The following TMEM117 variants were observed in gnomAD, a reference collection of about 807,000 sequenced individuals.
TMEM117 encodes the protein transmembrane protein 117.
In TMEM117, 27 loss-of-function variants were observed where a neutral mutation model predicts 52.4. That is an observed-to-expected ratio of 0.51 (90% CI 0.38 to 0.71). TMEM117 has a LOEUF of 0.71. Among genes scored for constraint, TMEM117 ranks in the 30% least tolerant of loss-of-function variants. The pLI is 0.00. For missense variants in TMEM117, 556 were observed against 630.5 expected (o/e 0.88, Z 1.26); for synonymous variants, 215 against 206.3 (o/e 1.04, Z -0.36).
At chr12:44,313,172 G>A (rs78687194) in intron 6 of TMEM117, among the ~76,000 whole-genome samples, 7,563 of 152,020 alleles carry the variant, frequency 0.05, 397 homozygotes, top group African/African-American at 0.13. Context: ...TTAGTCATAA[G>A]TTCTTTGCCA....
chr12:44,277,554 T>C lies in TMEM117; in HGVS notation c.609-22026T>C, dbSNP rs139848671. ...TTTTTATCTTGAGCTTGGGGCTCTT[T>C]ACAAACTCTTTTCTATTGTTGGCTG... On this transcript the variant is annotated intron_variant, in intron 5 of 7. Coordinates refer to ENST00000266534, the MANE Select transcript of TMEM117 (RefSeq NM_032256.3). Among the ~76,000 whole-genome samples the C allele has an allele frequency of 8.2e-3, 1,246 of 152,278 alleles. 12 individuals are homozygous for C. The highest frequency in any genetic ancestry group is 0.029 in the African/African-American group (1,186 of 41,560).
intron 7 of TMEM117, among the ~76,000 whole-genome samples, chr12:44,378,197 C>T (rs1951969340): frequency 6.6e-6 from 1 of 151,780 alleles, no homozygotes; most frequent in South Asian, 2.1e-4. Flanking sequence ...TATAAGAATG[C>T]CTTGTCAAAA....
At chr12:44,328,957 C>G (rs1951232193) in intron 6 of TMEM117, among the ~76,000 whole-genome samples, 1 of 151,784 alleles carries the variant, frequency 6.6e-6, no homozygotes, top group South Asian at 2.1e-4. Flanking sequence ...TTATACTTCT[C>G]AGAACCCTAA....
At position 44,331,184 on chromosome 12, in the gene TMEM117, T is replaced by A. The variant is rs1399645342; in HGVS notation, c.768+31445T>A. On this transcript the variant is annotated intron_variant, in intron 6 of 7. Transcript: ENST00000266534. ...TATTTCTTCTAGTGGGACCTTTTTTTAAAAAAAAAAAAATCTTTTTTTCTC... is the reference window on the plus strand; with the variant it reads ...TATTTCTTCTAGTGGGACCTTTTTTAAAAAAAAAAAAAATCTTTTTTTCTC... 2.7e-4 allele frequency among the ~76,000 whole-genome samples: 40 copies of A among 145,720 alleles called. 1 individual carries two copies. Among genetic ancestry groups the A allele is most frequent in the Middle Eastern group, 3.5e-3 (1 of 284 alleles).
intron 2 of TMEM117, among the ~76,000 whole-genome samples, chr12:43,861,809 A>G (rs556796855): frequency 5.9e-5 from 9 of 152,322 alleles, no homozygotes; most frequent in East Asian, 5.8e-4. Context: ...TAATAATAAC[A>G]AAACACTCAA....
Position 43,854,600 on chromosome 12 carries a change from T to TC in TMEM117, c.277+9674dup, listed in dbSNP as rs144761510. Among the ~76,000 whole-genome samples the TC allele has an allele frequency of 7.5e-3, 1,146 of 152,214 alleles. 23 individuals are homozygous for TC. Among genetic ancestry groups the TC allele is most frequent in the African/African-American group, 0.026 (1,070 of 41,534 alleles). On this transcript the variant is annotated intron_variant, in intron 2 of 7. Coordinates refer to ENST00000266534, the MANE Select transcript of TMEM117 (RefSeq NM_032256.3). ...TAAAGGTGTGTGTTACTAAGCTTAGTCCAGGCACACTTTTTAAAAAATTTT... is the reference window on the plus strand; with the variant it reads ...TAAAGGTGTGTGTTACTAAGCTTAGTCCCAGGCACACTTTTTAAAAAATTTT...
the TMEM117 span, among the ~76,000 whole-genome samples, chr12:43,800,772 C>T: frequency 1.4e-4 from 22 of 152,134 alleles, no homozygotes; most frequent in Non-Finnish European, 2.6e-4. Flanking sequence ...TTTTTTGAGA[C>T]GCAGATTTGC....
At chr12:44,157,666 G>C (rs1948844615) in intron 4 of TMEM117, among the ~76,000 whole-genome samples, 1 of 151,918 alleles carries the variant, frequency 6.6e-6, no homozygotes. Flanking sequence ...AATTTTCTCT[G>C]CTTATAGAAA....
At chr12:44,116,779 C>G (rs1425158251) in intron 3 of TMEM117, among the ~76,000 whole-genome samples, 1 of 152,188 alleles carries the variant, frequency 6.6e-6, no homozygotes, top group Non-Finnish European at 1.5e-5. Context: ...TTCTTACCAT[C>G]CTCATCCTAC....
chr12:44,019,164 G>T (rs1190617887), intron 3 of TMEM117, among the ~76,000 whole-genome samples: 1 of 151,466 alleles, frequency 6.6e-6, no homozygotes, highest in African/African-American at 2.4e-5. Context: ...AAAGAATGTT[G>T]TCTGGGGTGG....
chr12:43,943,308 G>A (rs370045159), intron 2 of TMEM117, among the ~76,000 whole-genome samples: 10 of 151,790 alleles, frequency 6.6e-5, no homozygotes, highest in African/African-American at 1.5e-4. Flanking sequence ...TAATAGACAC[G>A]GTTTATCTTG....
At chr12:44,132,530 C>A (rs1379042750) in intron 3 of TMEM117, among the ~76,000 whole-genome samples, 1 of 152,074 alleles carries the variant, frequency 6.6e-6, no homozygotes, top group African/African-American at 2.4e-5. Flanking sequence ...AGCTTCTCAT[C>A]CCTGAGCATT....
At chr12:44,064,819 T>C (rs1295756894) in intron 3 of TMEM117, among the ~76,000 whole-genome samples, 1 of 152,168 alleles carries the variant, frequency 6.6e-6, no homozygotes, top group Non-Finnish European at 1.5e-5. Flanking sequence ...AGTCTAAAGC[T>C]ATGATGTACA....
At chr12:44,180,082 A>G (rs1264785042) in intron 4 of TMEM117, among the ~76,000 whole-genome samples, 1 of 152,160 alleles carries the variant, frequency 6.6e-6, no homozygotes, top group Non-Finnish European at 1.5e-5. Flanking sequence ...AATGAGGAGC[A>G]CTAATCACAT....
chr12:43,829,186 ACTT>A, the TMEM117 span, among the ~76,000 whole-genome samples: 5 of 152,058 alleles, frequency 3.3e-5, no homozygotes, highest in South Asian at 2.1e-4. Context: ...TTTGCTTCAA[ACTT>A]CTTCTGTCTG....
At chr12:43,915,279 C>T (rs1451933599) in intron 2 of TMEM117, among the ~76,000 whole-genome samples, 1 of 152,126 alleles carries the variant, frequency 6.6e-6, no homozygotes, top group Non-Finnish European at 1.5e-5. Context: ...GAGTCATTAC[C>T]TCTTAGGATC....
intron 6 of TMEM117, among the ~76,000 whole-genome samples, chr12:44,365,549 CA>C (rs1371860805): frequency 6.6e-6 from 1 of 151,994 alleles, no homozygotes; most frequent in Non-Finnish European, 1.5e-5. Flanking sequence ...CAGCATTGGA[CA>C]AGCTATTTAA....
chr12:44,370,246 T>C (rs982462521), intron 6 of TMEM117, among the ~76,000 whole-genome samples: 1 of 152,200 alleles, frequency 6.6e-6, no homozygotes, highest in Non-Finnish European at 1.5e-5. Context: ...CTTCTCACAA[T>C]ATTTACAATG....
rs184220672 is a variant in TMEM117, at chr12:43,871,288, G to A, written c.277+26360G>A. ...CAGCTAATTTTTGTATTTTTTAGTA[G>A]AGATGGGGTTTTGCCATGTTGGTCA... On this transcript the variant is annotated intron_variant, in intron 2 of 7. Coordinates refer to ENST00000266534, the MANE Select transcript of TMEM117 (RefSeq NM_032256.3). Among the ~76,000 whole-genome samples, 277 of 152,128 alleles carry A rather than the reference G, an allele frequency of 1.8e-3. 3 individuals are homozygous for A. The highest frequency in any genetic ancestry group is 6.3e-3 in the African/African-American group (262 of 41,484).
Sources: allele counts gnomAD v4.1 joint callset (sites outside exome capture counted in the v4.1 genomes callset), GRCh38; gene constraint gnomAD v4.1.1; transcripts MANE v1.5; gene names NCBI Gene and HGNC (gene_info 2026-07-23, HGNC 2026-07-21).